The following UBE2D2 variants were observed in gnomAD, a reference collection of about 807,000 sequenced individuals.
The protein encoded by UBE2D2 is ubiquitin conjugating enzyme E2 D2, also known as ubiquitin-conjugating enzyme E2 D2.
Under a neutral mutation model 24.2 loss-of-function variants are expected in UBE2D2, and 2 were observed. The ratio of observed to expected loss-of-function variants is 0.08; its 90% CI spans 0.03 to 0.26. The LOEUF (loss-of-function observed/expected upper bound fraction) is 0.26. Ranked by LOEUF, UBE2D2 falls within the 10% of genes least tolerant of loss-of-function variation. The pLI is 1.00. For synonymous variants in UBE2D2, 58 were observed against 56.5 expected, an observed-to-expected ratio of 1.03 and a Z score of -0.12; for missense variants, 44 against 177.6, an observed-to-expected ratio of 0.25 and a Z score of 4.28.
At chr5:139,586,867 G>A (rs556367102) in intron 1 of UBE2D2, among the ~76,000 whole-genome samples, 24 of 152,194 alleles carry the variant, frequency 1.6e-4, no homozygotes, top group African/African-American at 5.1e-4. Context: ...ATTTTAGTCC[G>A]TTTACTTTAT....
intron 1 of UBE2D2, among the ~76,000 whole-genome samples, chr5:139,548,188 A>AAAAAT (rs1752861987): frequency 2.0e-5 from 1 of 49,340 alleles, no homozygotes; most frequent in African/African-American, 3.0e-4. Context: ...AAAAAATAAA[A>AAAAAT]AAAAAAAATA....
At chr5:139,563,708 GGATCACGA>G (rs960017957) in intron 1 of UBE2D2, among the ~76,000 whole-genome samples, 21 of 152,152 alleles carry the variant, frequency 1.4e-4, no homozygotes, top group Non-Finnish European at 2.6e-4. Flanking sequence ...TGAGGTGGGT[GGATCACGA>G]GATCAGGAGA....
chr5:139,626,613 T>C, intron 6 of UBE2D2, 143 bp from the exon 7 acceptor site: 1 of 674,518 alleles, frequency 1.5e-6, no homozygotes, highest in Non-Finnish European at 2.6e-6. Context: ...TTAATCCTTA[T>C]CAGAAATTTG....
chr5:139,552,169 T>C (rs1027975720), intron 1 of UBE2D2, among the ~76,000 whole-genome samples: 1 of 151,978 alleles, frequency 6.6e-6, no homozygotes, highest in Non-Finnish European at 1.5e-5. Context: ...CTAACTTTTT[T>C]TTTTTTTTTT....
At chr5:139,536,904 A>T (rs1459229747) in intron 1 of UBE2D2, among the ~76,000 whole-genome samples, 1 of 152,074 alleles carries the variant, frequency 6.6e-6, no homozygotes, top group East Asian at 1.9e-4. Context: ...CCCAGGCTGG[A>T]CGAGGTGACT....
intron 1 of UBE2D2, among the ~76,000 whole-genome samples, chr5:139,543,500 G>A (rs1289783693): frequency 6.6e-6 from 1 of 152,192 alleles, no homozygotes; most frequent in South Asian, 2.1e-4. Context: ...GAGGAAGGGC[G>A]CTGTTCTGGT....
At chr5:139,624,528 C>A (rs1299524863) in intron 6 of UBE2D2, among the ~76,000 whole-genome samples, 3 of 152,372 alleles carry the variant, frequency 2.0e-5, no homozygotes, top group Non-Finnish European at 4.4e-5. Flanking sequence ...TGGCTCACGC[C>A]TGTAACCCCA....
chr5:139,561,539 G>A lies in UBE2D2; in HGVS notation c.-253G>A. ...CCTGGGAGGAAGAGGCAGCTACGGC[G>A]GCGGCGGCGGTGGCGGCTAGGGCGG... On this transcript the variant is annotated 5_prime_UTR_variant, in exon 1 of 7. Transcript: ENST00000398733. 2.4e-6 allele frequency: 1 copy of A among 416,960 alleles called. No homozygotes were observed. The highest frequency in any genetic ancestry group is 4.2e-6 in the Non-Finnish European group (1 of 236,772). The allele number at this position is 416,960 out of a possible 1,614,324, so 25.8% of individuals were successfully genotyped here.
upstream of UBE2D2, among the ~76,000 whole-genome samples, chr5:139,556,412 A>T (rs1328288896): frequency 6.6e-6 from 1 of 152,210 alleles, no homozygotes; most frequent in Admixed American, 6.5e-5. Flanking sequence ...CTGTCTCAAA[A>T]ATAAGTAAAC....
At chr5:139,559,861 G>A (rs1054522799), upstream of UBE2D2, among the ~76,000 whole-genome samples, 3 of 152,132 alleles carry the variant, frequency 2.0e-5, no homozygotes, top group Non-Finnish European at 4.4e-5. Flanking sequence ...TCCTGTGTAA[G>A]GCCTCTAGCC....
Position 139,628,148 on chromosome 5 carries a change from T to G in UBE2D2, c.*1347T>G, listed in dbSNP as rs1192866232. On this transcript the variant is annotated 3_prime_UTR_variant, in exon 7 of 7. Transcript: ENST00000398733. ...TCTACATAATTACTTTGCACTAACA[T>G]TTGCAGGATGTTCACACAATTTTAA... 1 of 152,620 alleles carries G rather than the reference T, an allele frequency of 6.6e-6. No homozygotes were observed. The highest frequency in any genetic ancestry group is 1.5e-5 in the Non-Finnish European group (1 of 68,032). The allele number at this position is 152,620 out of a possible 1,614,324, so 9.5% of individuals were successfully genotyped here.
At chr5:139,529,379 G>C (rs962378068) in intron 1 of UBE2D2, among the ~76,000 whole-genome samples, 1 of 152,152 alleles carries the variant, frequency 6.6e-6, no homozygotes, top group Non-Finnish European at 1.5e-5. Context: ...TGCCTGTGCT[G>C]CTATTAATAG....
intron 1 of UBE2D2, among the ~76,000 whole-genome samples, chr5:139,570,580 C>G (rs202123645): frequency 1.3e-5 from 2 of 151,540 alleles, no homozygotes; most frequent in Admixed American, 1.3e-4. Context: ...TGTGTGATCT[C>G]GGCTCACTGC....
chr5:139,588,848 G>A (rs554204682), intron 1 of UBE2D2, among the ~76,000 whole-genome samples: 2 of 152,076 alleles, frequency 1.3e-5, no homozygotes, highest in South Asian at 4.1e-4. Context: ...TTGCAGCCTC[G>A]ACCTCCTGGG....
At chr5:139,568,535 G>A (rs766801650) in intron 1 of UBE2D2, among the ~76,000 whole-genome samples, 4 of 152,098 alleles carry the variant, frequency 2.6e-5, no homozygotes, top group African/African-American at 4.8e-5. Context: ...GCAGGTGCCT[G>A]TAGTCCCAGC....
chr5:139,558,953 T>C (rs539640132), upstream of UBE2D2, among the ~76,000 whole-genome samples: 4 of 152,146 alleles, frequency 2.6e-5, no homozygotes, highest in East Asian at 5.8e-4. Flanking sequence ...AGGTGCGTGC[T>C]ACCATACCTG....
chr5:139,595,892 G>GTTTTT (rs70988709), intron 1 of UBE2D2, among the ~76,000 whole-genome samples: 3 of 98,852 alleles, frequency 3.0e-5, no homozygotes, highest in Admixed American at 1.1e-4. Context: ...GTTTTTTGTT[G>GTTTTT]TTTTTTTTTT....
Position 139,530,657 on chromosome 5 carries a change from G to C in UBE2D2, c.-64+4045G>C, listed in dbSNP as rs180755633. ...AAAATAGAATAGTTCTTGACAACTT[G>C]GTAGCAGCTGAAGGAGGAGTTTGTA... is the stretch of plus-strand genomic sequence containing the variant. On this transcript the variant is annotated intron_variant, in intron 1 of 6. Transcript: ENST00000511725. 2.0e-5 allele frequency among the ~76,000 whole-genome samples: 3 copies of C among 152,270 alleles called. No homozygotes were observed. The East Asian group carries it at 5.8e-4, about 29-fold the overall frequency.
chr5:139,585,964 AGAAAG>A (rs1198547413), intron 1 of UBE2D2, among the ~76,000 whole-genome samples: 1 of 149,894 alleles, frequency 6.7e-6, no homozygotes, highest in Non-Finnish European at 1.5e-5. Context: ...AAAAAAAAGA[AGAAAG>A]AAATACAGCT....
Sources: allele counts gnomAD v4.1 joint callset (sites outside exome capture counted in the v4.1 genomes callset), GRCh38; gene constraint gnomAD v4.1.1; transcripts MANE v1.5; gene names NCBI Gene and HGNC (gene_info 2026-07-23, HGNC 2026-07-21).